Variants in NR6A1 observed in about 807,000 individuals in gnomAD.
The protein encoded by NR6A1 is nuclear receptor subfamily 6 group A member 1.
In NR6A1, 7 loss-of-function variants were observed where a neutral mutation model predicts 59.1. The ratio of observed to expected loss-of-function variants is 0.12; its 90% CI spans 0.07 to 0.22. The LOEUF (loss-of-function observed/expected upper bound fraction) is 0.22. Among genes scored for constraint, NR6A1 ranks in the 10% least tolerant of loss-of-function variants. The pLI is 1.00. For missense variants in NR6A1, 468 were observed against 611.6 expected (o/e 0.77, Z 2.48); for synonymous variants, 243 against 236.1 (o/e 1.03, Z -0.27).
rs1055203453 is a variant in NR6A1, at chr9:124,612,988, T to C, written c.143-58418A>G. ...TAGGAATGTACCTTACAGAAGTACTTGTGCAGGAGTGAGAAGATATTCATG... is the reference window on the plus strand; with the variant it reads ...TAGGAATGTACCTTACAGAAGTACTCGTGCAGGAGTGAGAAGATATTCATG... On this transcript the variant is annotated intron_variant, in intron 2 of 9. Coordinates refer to ENST00000487099, the MANE Select transcript of NR6A1 (RefSeq NM_033334.4). Among the ~76,000 whole-genome samples the C allele has an allele frequency of 1.1e-4, 17 of 152,298 alleles. No homozygotes were observed. The East Asian group carries it at 3.1e-3, about 28-fold the overall frequency.
chr9:124,582,917 G>A (rs1452877287), intron 2 of NR6A1, among the ~76,000 whole-genome samples: 1 of 152,154 alleles, frequency 6.6e-6, no homozygotes, highest in Non-Finnish European at 1.5e-5. Context: ...CATCACTGTG[G>A]AGGTGGTTAC....
chr9:124,580,719 C>A (rs1217805098), intron 2 of NR6A1, among the ~76,000 whole-genome samples: 1 of 152,040 alleles, frequency 6.6e-6, no homozygotes, highest in African/African-American at 2.4e-5. Flanking sequence ...ACTCAGGGGG[C>A]TAAGGCAGGA....
chr9:124,653,867 T>C (rs1837172290), intron 2 of NR6A1, among the ~76,000 whole-genome samples: 1 of 152,220 alleles, frequency 6.6e-6, no homozygotes, highest in Non-Finnish European at 1.5e-5. Context: ...CAGAAGTATG[T>C]CTTCAAGAAC....
chr9:124,561,907 G>A (rs908946906), intron 2 of NR6A1, among the ~76,000 whole-genome samples: 2 of 151,960 alleles, frequency 1.3e-5, no homozygotes, highest in Admixed American at 6.6e-5. Context: ...GTGAGACTCC[G>A]TCTCAAAAAA....
At chr9:124,689,778 C>T (rs1027393742) in intron 2 of NR6A1, among the ~76,000 whole-genome samples, 4 of 152,204 alleles carry the variant, frequency 2.6e-5, no homozygotes, top group Non-Finnish European at 5.9e-5. Context: ...AAAGCTCAAA[C>T]CAGGTTAACC....
chr9:124,609,642 G>C (rs1467745873), intron 2 of NR6A1, among the ~76,000 whole-genome samples: 2 of 152,132 alleles, frequency 1.3e-5, no homozygotes, highest in African/African-American at 4.8e-5. Context: ...CTAATTCTTT[G>C]AAGAATGTCA....
At chr9:124,529,270 T>C (rs558222918) in intron 7 of NR6A1, among the ~76,000 whole-genome samples, 40 of 152,372 alleles carry the variant, frequency 2.6e-4, no homozygotes, top group South Asian at 6.2e-4. Flanking sequence ...TTAAGTATTC[T>C]ACATTTAATC....
chr9:124,677,098 G>A (rs1564231919), intron 2 of NR6A1, among the ~76,000 whole-genome samples: 1 of 151,154 alleles, frequency 6.6e-6, no homozygotes, highest in East Asian at 1.9e-4. Context: ...AAAATAACAG[G>A]TTAAAGAAGA....
At chr9:124,770,618 C>T (rs1841111932) in intron 1 of NR6A1, among the ~76,000 whole-genome samples, 1 of 145,340 alleles carries the variant, frequency 6.9e-6, no homozygotes, top group South Asian at 2.3e-4. Context: ...GGACTTCCAA[C>T]CTGAGGAGCC....
chr9:124,564,086 C>A (rs1199147341), intron 2 of NR6A1, among the ~76,000 whole-genome samples: 1 of 151,968 alleles, frequency 6.6e-6, no homozygotes, highest in Non-Finnish European at 1.5e-5. Flanking sequence ...TCTAAAAAAA[C>A]CAACAACAAC....
At chr9:124,733,701 T>C (rs577758569) in intron 1 of NR6A1, among the ~76,000 whole-genome samples, 2 of 152,278 alleles carry the variant, frequency 1.3e-5, no homozygotes, top group African/African-American at 4.8e-5. Flanking sequence ...CACAGGAAAA[T>C]TACAATTCAT....
chr9:124,617,872 C>T (rs1441888552), intron 2 of NR6A1, among the ~76,000 whole-genome samples: 3 of 152,138 alleles, frequency 2.0e-5, no homozygotes, highest in Admixed American at 6.6e-5. Context: ...CACTCAGTGT[C>T]CTTGATTCCT....
intron 1 of NR6A1, among the ~76,000 whole-genome samples, chr9:124,759,838 G>A (rs1006247546): frequency 2.6e-5 from 4 of 152,072 alleles, no homozygotes; most frequent in Non-Finnish European, 5.9e-5. Flanking sequence ...TCAGGAGTTC[G>A]AGACCAGCCT....
At chr9:124,750,358 C>T (rs112830462) in intron 1 of NR6A1, among the ~76,000 whole-genome samples, 1,542 of 152,346 alleles carry the variant, frequency 0.01, 26 homozygotes, top group African/African-American at 0.035. Flanking sequence ...CTTGTCTCCC[C>T]ATTGGCAAGG....
At chr9:124,640,597 G>C (rs547547476) in intron 2 of NR6A1, among the ~76,000 whole-genome samples, 19 of 151,894 alleles carry the variant, frequency 1.3e-4, no homozygotes, top group Non-Finnish European at 2.4e-4. Flanking sequence ...ATGGGGTCTC[G>C]CTGTGTTGCC....
chr9:124,554,500 G>A lies in NR6A1; in HGVS notation c.213C>T (p.His71=), dbSNP rs1213031780. The A allele has an allele frequency of 9.3e-6, 15 of 1,614,088 alleles. No homozygotes were observed. Among genetic ancestry groups the A allele is most frequent in the East Asian group, 2.2e-5 (1 of 44,898 alleles). ...LICGDRATGL[H]YGIISCEGCK... ...AGCCCTCACAGGAGATGATCCCATA[G>A]TGCAAGCCTGTAGCGCGGTCCCCAC... The change falls in exon 3 of 10, where the codon CAC becomes CAT. Residue 71 remains histidine, a synonymous_variant. Transcript: ENST00000487099.
At chr9:124,707,150 G>C (rs2131062627) in intron 2 of NR6A1, among the ~76,000 whole-genome samples, 1 of 152,104 alleles carries the variant, frequency 6.6e-6, no homozygotes, top group South Asian at 2.1e-4. Flanking sequence ...ATACACACTT[G>C]ATGTCCCACA....
chr9:124,595,168 C>T, intron 2 of NR6A1, among the ~76,000 whole-genome samples: 1 of 152,174 alleles, frequency 6.6e-6, no homozygotes, highest in Non-Finnish European at 1.5e-5. Flanking sequence ...ACACTAGTGA[C>T]TATTCATTAC....
At chr9:124,595,085 C>T (rs111453377) in intron 2 of NR6A1, among the ~76,000 whole-genome samples, 3,663 of 152,246 alleles carry the variant, frequency 0.024, 63 homozygotes, top group Non-Finnish European at 0.037. Flanking sequence ...TCTTTCCTGG[C>T]CTAAATAATA....
Sources: gnomAD v4.1 joint callset for allele counts (sites outside exome capture counted in the v4.1 genomes callset) on GRCh38, gnomAD v4.1.1 for gene constraint, MANE v1.5 for transcripts, NCBI Gene and HGNC (gene_info 2026-07-23, HGNC 2026-07-21) for gene names.